SYT3: variants seen among roughly 807,000 people sequenced by gnomAD.
The protein encoded by SYT3 is synaptotagmin 3.
A neutral mutation model predicts 50.6 loss-of-function variants in SYT3; 25 were observed. The ratio of observed to expected loss-of-function variants is 0.49; its 90% CI spans 0.36 to 0.69. SYT3 has a LOEUF of 0.69. SYT3 is among the 30% of genes least tolerant of loss of function. SYT3 has a pLI of 0.00. For synonymous variants in SYT3, 323 were observed against 353.9 expected (o/e 0.91, Z 0.98); for missense variants, 589 against 793.6 (o/e 0.74, Z 3.10).
chr19:50,630,742 G>A (rs779317749), intron 4 of SYT3, among the ~76,000 whole-genome samples: 7 of 152,054 alleles, frequency 4.6e-5, no homozygotes, highest in Non-Finnish European at 7.4e-5. Flanking sequence ...CCATTTCAAA[G>A]CTAGCTCCAG....
upstream of SYT3, among the ~76,000 whole-genome samples, chr19:50,643,076 C>T (rs1353567077): frequency 6.6e-6 from 1 of 151,882 alleles, no homozygotes; most frequent in Non-Finnish European, 1.5e-5. Context: ...AGATTAAAAA[C>T]TGTATGGGTC....
At chr19:50,626,648 G>A (rs1157325062) in intron 6 of SYT3, among the ~76,000 whole-genome samples, 1 of 150,538 alleles carries the variant, frequency 6.6e-6, no homozygotes, top group Non-Finnish European at 1.5e-5. Context: ...GAGAGAAAGG[G>A]GCAGAGACCC....
rs1035187025 is a variant in SYT3, at chr19:50,639,512, C to T, written c.-154+278G>A. Among the ~76,000 whole-genome samples the T allele has an allele frequency of 5.9e-5, 9 of 151,730 alleles. No individual in the cohort carries two copies. The highest frequency in any genetic ancestry group is 1.3e-4 in the Non-Finnish European group (9 of 67,912). Reference sequence around the variant, plus strand: ...CGATGTCCGGGACTTCGAAAAGCCACGGAGCCCTAAGTCCTTAGGGGCCAC... The same window carrying T: ...CGATGTCCGGGACTTCGAAAAGCCATGGAGCCCTAAGTCCTTAGGGGCCAC... On this transcript the variant is annotated intron_variant, in intron 1 of 10. Coordinates refer to ENST00000600079, the MANE Select transcript of SYT3 (RefSeq NM_001160329.2). The surrounding 1 kb of genome is among the most constrained non-coding windows in gnomAD (Gnocchi z 4.6).
the SYT3 span, among the ~76,000 whole-genome samples, chr19:50,647,077 G>A: frequency 2.0e-5 from 3 of 152,054 alleles, no homozygotes; most frequent in Non-Finnish European, 2.9e-5. Context: ...TGATCCGCCC[G>A]TCTCGGCCTC....
At chr19:50,649,912 C>T in the SYT3 span, 8 of 448,794 alleles carry the variant, frequency 1.8e-5, no homozygotes, top group Non-Finnish European at 3.1e-5. Context: ...TCACTGGTGC[C>T]ATCCTTCCAC....
chr19:50,626,955 GA>G (rs1984094661), intron 6 of SYT3, among the ~76,000 whole-genome samples: 2 of 151,620 alleles, frequency 1.3e-5, no homozygotes, highest in African/African-American at 4.8e-5. Context: ...AAGAGAAAGA[GA>G]GAGAGAGAGA....
intron 2 of SYT3, among the ~76,000 whole-genome samples, 157 bp downstream of exon 2, chr19:50,638,868 G>A (rs1177019300): frequency 6.6e-6 from 1 of 152,098 alleles, no homozygotes; most frequent in Non-Finnish European, 1.5e-5. Flanking sequence ...GTGGGGAGAG[G>A]GGGAATTAGT....
chr19:50,638,634 G>A (rs1984570595), intron 2 of SYT3, among the ~76,000 whole-genome samples: 1 of 152,158 alleles, frequency 6.6e-6, no homozygotes, highest in Non-Finnish European at 1.5e-5. Context: ...AGAGACGAGA[G>A]GACGAGAGAC....
chr19:50,648,467 C>G, the SYT3 span, among the ~76,000 whole-genome samples: 1 of 152,138 alleles, frequency 6.6e-6, no homozygotes, highest in Non-Finnish European at 1.5e-5. Context: ...AACAAATAAG[C>G]GAAGGTCCAG....
At chr19:50,634,668 C>G (rs1462526379) in intron 3 of SYT3, among the ~76,000 whole-genome samples, 1 of 148,262 alleles carries the variant, frequency 6.7e-6, no homozygotes, top group Non-Finnish European at 1.5e-5. Flanking sequence ...ACTGAAGCCT[C>G]CACCTCCCAG....
intron 4 of SYT3, 46 bp from the exon 5 acceptor site, chr19:50,630,217 T>C: frequency 6.8e-7 from 1 of 1,466,328 alleles, no homozygotes; most frequent in Non-Finnish European, 9.0e-7. Context: ...GTGGCTCTGA[T>C]CTTCGACTGC....
At chr19:50,644,961 CTGAT>C in the SYT3 span, among the ~76,000 whole-genome samples, 438 of 152,244 alleles carry the variant, frequency 2.9e-3, 2 homozygotes, top group African/African-American at 9.8e-3. Flanking sequence ...GGATGGGTGA[CTGAT>C]TGAATGAGTT....
Position 50,625,234 on chromosome 19 carries a change from G to C in SYT3, c.1635C>G (p.His545Gln). The C allele has an allele frequency of 6.3e-7, 1 of 1,582,852 alleles. No individual in the cohort carries two copies. Among genetic ancestry groups the C allele is most frequent in the Non-Finnish European group, 8.6e-7 (1 of 1,168,760 alleles). The change falls in exon 9 of 11, where the codon CAC (histidine) becomes CAG (glutamine). Residue 545 changes from histidine (H) to glutamine (Q), a missense_variant. Physicochemically the swap from His to Gln is conservative, Grantham distance 24 (BLOSUM62 0). Transcript: ENST00000600079. The surrounding 1 kb of genome is among the most constrained non-coding windows in gnomAD (Gnocchi z 7.5). ...GCATCTCTGCCCAGTGCTCGCGGCC[G>C]TGCGGGTCGGCAGCGTCGGGGCCCA... ...CRVGPDAADP[H>Q]GREHWAEMLA...
intron 6 of SYT3, among the ~76,000 whole-genome samples, chr19:50,628,698 A>G (rs1464092099): frequency 1.3e-5 from 2 of 152,038 alleles, no homozygotes; most frequent in Non-Finnish European, 2.9e-5. Context: ...GGGAGAAGTC[A>G]TGGGGTTGAG....
intron 9 of SYT3, chr19:50,624,912 A>C (rs1672440230): frequency 1.3e-5 from 5 of 388,316 alleles, no homozygotes; most frequent in South Asian, 1.4e-4. Context: ...CAGAACGTTT[A>C]ACTCAGCACA....
At chr19:50,648,585 G>A in the SYT3 span, among the ~76,000 whole-genome samples, 1 of 104,128 alleles carries the variant, frequency 9.6e-6, no homozygotes, top group Non-Finnish European at 2.0e-5. Flanking sequence ...GAGGCCCCGT[G>A]AGACCCCAGA....
At chr19:50,640,075 CG>C (rs1457469806), upstream of SYT3, among the ~76,000 whole-genome samples, 1 of 152,126 alleles carries the variant, frequency 6.6e-6, no homozygotes, top group Non-Finnish European at 1.5e-5. Context: ...CTCCAGGGTC[CG>C]GGGGCCCAGT....
At chr19:50,636,348 G>A (rs1194904534) in intron 3 of SYT3, among the ~76,000 whole-genome samples, 1 of 152,132 alleles carries the variant, frequency 6.6e-6, no homozygotes, top group Admixed American at 6.6e-5. Flanking sequence ...GGTGGTCATG[G>A]GCACCTCCAG....
At chr19:50,643,044 C>G (rs1430936136), upstream of SYT3, among the ~76,000 whole-genome samples, 1 of 152,078 alleles carries the variant, frequency 6.6e-6, no homozygotes, top group East Asian at 1.9e-4. Flanking sequence ...CCCAAGATCA[C>G]ACATCTGGAA....
Sources: allele counts gnomAD v4.1 joint callset (sites outside exome capture counted in the v4.1 genomes callset), GRCh38; gene constraint gnomAD v4.1.1; non-coding constraint Gnocchi (gnomAD v3.1); transcripts MANE v1.5; gene names NCBI Gene and HGNC (gene_info 2026-07-23, HGNC 2026-07-21).